Variants in SAMD12 observed in about 807,000 individuals in gnomAD.
SAMD12 encodes sterile alpha motif domain containing 12.
SAMD12 carries 9 observed loss-of-function variants against 15.0 expected under a neutral mutation model. That is an observed-to-expected ratio of 0.60 (90% CI 0.36 to 1.05). The LOEUF (loss-of-function observed/expected upper bound fraction) is 1.05, where lower values mean the gene tolerates loss of function less well. SAMD12 is among the 50% of genes least tolerant of loss of function. The pLI is 0.01. For missense variants in SAMD12, 230 were observed against 234.2 expected, an observed-to-expected ratio of 0.98 and a Z score of 0.12; for synonymous variants, 86 against 90.1, an observed-to-expected ratio of 0.96 and a Z score of 0.25.
At chr8:118,281,305 T>C (rs1170679182) in intron 4 of SAMD12, among the ~76,000 whole-genome samples, 1 of 152,182 alleles carries the variant, frequency 6.6e-6, no homozygotes, top group Non-Finnish European at 1.5e-5. Context: ...CTCTTTGAAA[T>C]TGTAGCAGTG....
chr8:118,347,131 G>A (rs954097426), intron 4 of SAMD12, among the ~76,000 whole-genome samples: 6 of 152,178 alleles, frequency 3.9e-5, no homozygotes, highest in African/African-American at 1.4e-4. Flanking sequence ...GTCTCGCTGT[G>A]TAGCTCAGAC....
chr8:118,420,226 A>G (rs979335544), intron 3 of SAMD12, among the ~76,000 whole-genome samples: 1 of 152,150 alleles, frequency 6.6e-6, no homozygotes, highest in African/African-American at 2.4e-5. Context: ...CTTACAACTA[A>G]GGGCTAATTG....
At chr8:118,421,602 T>C (rs1822000277) in intron 3 of SAMD12, among the ~76,000 whole-genome samples, 1 of 152,230 alleles carries the variant, frequency 6.6e-6, no homozygotes, top group Non-Finnish European at 1.5e-5. Flanking sequence ...ACTTTGTTAC[T>C]TGTGTAACAC....
intron 4 of SAMD12, among the ~76,000 whole-genome samples, chr8:118,293,702 C>T (rs939469759): frequency 1.3e-5 from 2 of 152,076 alleles, no homozygotes; most frequent in Non-Finnish European, 2.9e-5. Flanking sequence ...GCCAATACCC[C>T]CAATGTACAG....
At chr8:118,520,021 G>C (rs891416217) in intron 2 of SAMD12, among the ~76,000 whole-genome samples, 1 of 152,140 alleles carries the variant, frequency 6.6e-6, no homozygotes, top group African/African-American at 2.4e-5. Flanking sequence ...TCAGCAACAT[G>C]AAAGAGCTTT....
At chr8:118,475,193 C>T (rs1823919213) in intron 2 of SAMD12, among the ~76,000 whole-genome samples, 1 of 152,138 alleles carries the variant, frequency 6.6e-6, no homozygotes, top group Non-Finnish European at 1.5e-5. Context: ...GAGCTGAGAT[C>T]ACGCCCCTGC....
chr8:118,482,813 T>A (rs1180452331), intron 2 of SAMD12, among the ~76,000 whole-genome samples: 1 of 152,156 alleles, frequency 6.6e-6, no homozygotes, highest in African/African-American at 2.4e-5. Flanking sequence ...CACCCTATAA[T>A]GAGGACATTC....
intron 4 of SAMD12, among the ~76,000 whole-genome samples, chr8:118,296,157 C>T (rs530414678): frequency 1.3e-5 from 2 of 152,284 alleles, no homozygotes; most frequent in Admixed American, 6.5e-5. Context: ...AAAAGCATAA[C>T]CATGCCCACA....
intron 3 of SAMD12, among the ~76,000 whole-genome samples, chr8:118,408,981 C>T (rs747102180): frequency 6.6e-6 from 1 of 152,126 alleles, no homozygotes; most frequent in African/African-American, 2.4e-5. Context: ...CCACTCCAAC[C>T]TCCACCTCCC....
chr8:118,203,166 G>A (rs1352831356), intron 4 of SAMD12, among the ~76,000 whole-genome samples: 2 of 152,174 alleles, frequency 1.3e-5, no homozygotes, highest in South Asian at 4.2e-4. Flanking sequence ...ATGGAGGAGA[G>A]AAATCAAGTA....
rs186895123 is a variant in SAMD12, at chr8:118,283,994, G to A, written c.434-86262C>T. On this transcript the variant is annotated intron_variant, in intron 4 of 4. Transcript: ENST00000409003. ...GAATAAACTGTATCACATTCTAGAAGGTGTGTGGACTCATTTTCAAAGAGC... is the reference window on the plus strand; with the variant it reads ...GAATAAACTGTATCACATTCTAGAAAGTGTGTGGACTCATTTTCAAAGAGC... Among the ~76,000 whole-genome samples the A allele has an allele frequency of 3.9e-5, 6 of 152,238 alleles. No homozygotes were observed. The East Asian group carries it at 1.2e-3, about 29-fold the overall frequency.
chr8:118,524,955 T>G (rs555159967), intron 2 of SAMD12, among the ~76,000 whole-genome samples: 1 of 152,274 alleles, frequency 6.6e-6, no homozygotes, highest in East Asian at 1.9e-4. Flanking sequence ...GCAGCCAGAG[T>G]GATCTTTTGT....
chr8:118,150,708 G>T, the SAMD12 span, among the ~76,000 whole-genome samples: 1 of 152,100 alleles, frequency 6.6e-6, no homozygotes, highest in East Asian at 1.9e-4. Flanking sequence ...ATCTCTTAAA[G>T]AAATTAAACT....
At chr8:118,464,203 G>A (rs1300603631) in intron 2 of SAMD12, among the ~76,000 whole-genome samples, 1 of 152,090 alleles carries the variant, frequency 6.6e-6, no homozygotes, top group African/African-American at 2.4e-5. Context: ...GTAAAGAAAT[G>A]CACTTGCTTT....
chr8:118,209,886 C>T (rs1012574985), intron 4 of SAMD12, among the ~76,000 whole-genome samples: 1 of 152,188 alleles, frequency 6.6e-6, no homozygotes, highest in African/African-American at 2.4e-5. Context: ...GGCCAATACC[C>T]TGGAGAGCCC....
chr8:118,293,624 A>C (rs1814539711), intron 4 of SAMD12, among the ~76,000 whole-genome samples: 1 of 152,198 alleles, frequency 6.6e-6, no homozygotes, highest in Non-Finnish European at 1.5e-5. Context: ...ATTTTTTAAA[A>C]ATTTTAACAC....
At chr8:118,163,165 A>T in the SAMD12 span, among the ~76,000 whole-genome samples, 1 of 152,034 alleles carries the variant, frequency 6.6e-6, no homozygotes, top group Non-Finnish European at 1.5e-5. Context: ...CCCTGGCAGG[A>T]GTGCAGGGAC....
chr8:118,321,722 A>G (rs1563762168), intron 4 of SAMD12, among the ~76,000 whole-genome samples: 1 of 152,156 alleles, frequency 6.6e-6, no homozygotes, highest in Non-Finnish European at 1.5e-5. Context: ...CTTTGGAGCT[A>G]CACTCCTTGG....
intron 2 of SAMD12, among the ~76,000 whole-genome samples, chr8:118,577,130 C>T (rs1239937538): frequency 6.6e-6 from 1 of 152,032 alleles, no homozygotes; most frequent in Non-Finnish European, 1.5e-5. Context: ...TTTTTTATTT[C>T]CATCTAGACT....
Sources: allele counts gnomAD v4.1 joint callset (sites outside exome capture counted in the v4.1 genomes callset), GRCh38; gene constraint gnomAD v4.1.1; transcripts MANE v1.5; gene names NCBI Gene and HGNC (gene_info 2026-07-23, HGNC 2026-07-21).